The following EPSTI1 variants were observed in gnomAD, a reference collection of about 807,000 sequenced individuals.
EPSTI1 encodes epithelial-stromal interaction protein 1.
EPSTI1 carries 66 observed loss-of-function variants against 49.9 expected under a neutral mutation model. That is an observed-to-expected ratio of 1.32 (90% CI 1.08 to 1.62). EPSTI1 has a LOEUF of 1.62. Among genes scored for constraint, EPSTI1 ranks in the 40% most tolerant of loss-of-function variants. The pLI, the probability that EPSTI1 is intolerant of heterozygous loss-of-function variation, is 0.00. For synonymous variants in EPSTI1, 137 were observed against 130.7 expected (o/e 1.05, Z -0.33); for missense variants, 394 against 365.5 (o/e 1.08, Z -0.64).
At chr13:42,927,187 T>A (rs2038210693) in intron 6 of EPSTI1, among the ~76,000 whole-genome samples, 1 of 152,222 alleles carries the variant, frequency 6.6e-6, no homozygotes, top group Admixed American at 6.5e-5. Flanking sequence ...AGAAGTTCTC[T>A]GTTTTTACCT....
At chr13:42,951,072 G>A (rs955412451) in intron 6 of EPSTI1, among the ~76,000 whole-genome samples, 1 of 152,040 alleles carries the variant, frequency 6.6e-6, no homozygotes, top group Non-Finnish European at 1.5e-5. Flanking sequence ...CTGGAGAATC[G>A]CTTGAACCCA....
At chr13:42,944,784 T>C (rs1379806092) in intron 6 of EPSTI1, among the ~76,000 whole-genome samples, 1 of 152,204 alleles carries the variant, frequency 6.6e-6, no homozygotes, top group Non-Finnish European at 1.5e-5. Context: ...GTGACTATAA[T>C]AGCTCATAAC....
intron 6 of EPSTI1, among the ~76,000 whole-genome samples, chr13:42,947,383 T>C (rs1418194729): frequency 1.3e-5 from 2 of 152,168 alleles, no homozygotes; most frequent in African/African-American, 4.8e-5. Flanking sequence ...GGTTAAAATA[T>C]GAAAATGTCT....
Position 42,934,841 on chromosome 13 carries a change from G to C in EPSTI1, c.564-8412C>G, listed in dbSNP as rs1157843950. 1.5e-5 allele frequency: 3 copies of C among 205,854 alleles called. No homozygotes were observed. In the East Asian group the frequency reaches 3.4e-4, roughly 23 times the overall value. 12.8% of individuals were successfully genotyped at this position (205,854 alleles called of 1,614,324 possible). On this transcript the variant is annotated intron_variant, in intron 6 of 10. Coordinates refer to ENST00000313624, the MANE Select transcript of EPSTI1 (RefSeq NM_033255.5). ...ATGGGCTCTGGAGCAAACTTTGAGA[G>C]ATCTTTCTACCTGCCATTCCAAATA... is the stretch of plus-strand genomic sequence containing the variant.
intron 5 of EPSTI1, among the ~76,000 whole-genome samples, chr13:42,960,922 G>C (rs1327823117): frequency 1.3e-5 from 2 of 152,132 alleles, no homozygotes; most frequent in African/African-American, 2.4e-5. Flanking sequence ...TCTATTTTAA[G>C]GTCAGTTGAT....
chr13:42,910,114 T>C (rs951383343), intron 8 of EPSTI1, among the ~76,000 whole-genome samples: 1 of 152,120 alleles, frequency 6.6e-6, no homozygotes, highest in Non-Finnish European at 1.5e-5. Flanking sequence ...TCCAGGAAAG[T>C]TTTTAATTTT....
Position 42,963,318 on chromosome 13 carries a change from T to C in EPSTI1, c.426A>G (p.Val142=), listed in dbSNP as rs2039514024. ...YKQKLKREES[V]RIKKEAEEAE... is the part of the protein sequence containing the mutation. ...CTTCTTCAGCTTCCTTCTTGATTCT[T>C]ACAGATTCTTCTCTTTTTAGCTAAA... The change falls in exon 5 of 11, where the codon GTA becomes GTG. Residue 142 remains valine (V), a synonymous_variant. Coordinates refer to ENST00000313624, the MANE Select transcript of EPSTI1 (RefSeq NM_033255.5). 1 of 1,612,484 alleles carries C rather than the reference T, an allele frequency of 6.2e-7. No individual in the cohort carries two copies. The highest frequency in any genetic ancestry group is 1.1e-5 in the South Asian group (1 of 90,724).
chr13:42,897,590 T>C (rs1199645415), intron 9 of EPSTI1, among the ~76,000 whole-genome samples: 1 of 152,216 alleles, frequency 6.6e-6, no homozygotes, highest in African/African-American at 2.4e-5. Flanking sequence ...AACAGCTCAC[T>C]GGCAATTGCT....
At chr13:42,990,757 CTGTT>C (rs2040179414) in intron 1 of EPSTI1, among the ~76,000 whole-genome samples, 1 of 152,198 alleles carries the variant, frequency 6.6e-6, no homozygotes, top group South Asian at 2.1e-4. Context: ...AGAAAATCTA[CTGTT>C]TATCGGCCAT....
intron 6 of EPSTI1, among the ~76,000 whole-genome samples, chr13:42,949,492 G>A (rs561590478): frequency 9.9e-5 from 15 of 151,668 alleles, no homozygotes; most frequent in Non-Finnish European, 2.9e-5. Flanking sequence ...TGGGGAGGCT[G>A]AGGCGGGAGA....
intron 1 of EPSTI1, among the ~76,000 whole-genome samples, chr13:42,982,481 A>G (rs2040003290): frequency 6.6e-6 from 1 of 152,220 alleles, no homozygotes; most frequent in African/African-American, 2.4e-5. Context: ...ACTTTGCTCT[A>G]TAGACTTGCC....
At chr13:42,965,679 G>GTCCCTGTCCCTC (rs2039583387) in intron 3 of EPSTI1, among the ~76,000 whole-genome samples, 2 of 15,524 alleles carry the variant, frequency 1.3e-4, no homozygotes, top group Admixed American at 9.5e-4. Context: ...TGGAGTCCCT[G>GTCCCTGTCCCTC]TCCCTCTCCC....
At chr13:42,926,625 C>G (rs1224422969) in intron 6 of EPSTI1, among the ~76,000 whole-genome samples, 196 bp from the exon 7 acceptor site, 1 of 152,132 alleles carries the variant, frequency 6.6e-6, no homozygotes, top group African/African-American at 2.4e-5. Context: ...TCTTCAAGAA[C>G]AATATTACAA....
chr13:42,900,280 A>T (rs768173803), intron 9 of EPSTI1, 30 bp downstream of exon 9: 13 of 1,595,242 alleles, frequency 8.1e-6, no homozygotes, highest in Non-Finnish European at 1.0e-5. Flanking sequence ...TGATTTAACC[A>T]AGGATGCTTA....
chr13:42,928,737 C>T (rs1415781593), intron 6 of EPSTI1, among the ~76,000 whole-genome samples: 1 of 152,182 alleles, frequency 6.6e-6, no homozygotes, highest in African/African-American at 2.4e-5. Context: ...AATTTACATT[C>T]TCCTCTTCTG....
chr13:42,974,054 GGCCAA>G (rs1266423682), intron 1 of EPSTI1, among the ~76,000 whole-genome samples: 1 of 152,212 alleles, frequency 6.6e-6, no homozygotes, highest in African/African-American at 2.4e-5. Flanking sequence ...AGAAATGTTT[GGCCAA>G]GCGCGGTGGC....
chr13:42,937,819 C>G (rs1007101587), intron 6 of EPSTI1, among the ~76,000 whole-genome samples: 1 of 152,102 alleles, frequency 6.6e-6, no homozygotes, highest in African/African-American at 2.4e-5. Context: ...TTGACCTCCT[C>G]CCATGAATCA....
At chr13:42,967,808 A>T (rs2296178) in intron 3 of EPSTI1, among the ~76,000 whole-genome samples, 1 of 151,820 alleles carries the variant, frequency 6.6e-6, no homozygotes, top group African/African-American at 2.4e-5. Flanking sequence ...CGAACCCCGA[A>T]CTCTCTTATC....
At chr13:42,911,273 A>G (rs896284166) in intron 8 of EPSTI1, among the ~76,000 whole-genome samples, 5 of 94,860 alleles carry the variant, frequency 5.3e-5, no homozygotes, top group South Asian at 4.3e-4. Context: ...GTGCGCGCGC[A>G]CGCGCGCACA....
Sources: gnomAD v4.1 joint callset for allele counts (sites outside exome capture counted in the v4.1 genomes callset) on GRCh38, gnomAD v4.1.1 for gene constraint, MANE v1.5 for transcripts, NCBI Gene and HGNC (gene_info 2026-07-23, HGNC 2026-07-21) for gene names.